The following STARD9 variants were observed in gnomAD, a reference collection of about 807,000 sequenced individuals.
STARD9 encodes the protein stAR-related lipid transfer protein 9.
In STARD9, 346 loss-of-function variants were observed where a neutral mutation model predicts 399.8. The ratio of observed to expected loss-of-function variants is 0.87; its 90% confidence interval spans 0.79 to 0.95. The LOEUF (loss-of-function observed/expected upper bound fraction) is 0.95, where lower values mean the gene tolerates loss of function less well. Ranked by LOEUF, STARD9 falls within the 40% of genes least tolerant of loss-of-function variation. The pLI is 0.00. For synonymous variants in STARD9, 2,203 were observed against 2,143.5 expected (o/e 1.03, Z -0.77); for missense variants, 5,832 against 5,667.5 (o/e 1.03, Z -0.93).
At chr15:42,653,968 T>A (rs2059815027) in intron 9 of STARD9, among the ~76,000 whole-genome samples, 1 of 152,170 alleles carries the variant, frequency 6.6e-6, no homozygotes, top group African/African-American at 2.4e-5. Context: ...GTAGAGTTAC[T>A]ATATTTTACA....
chr15:42,598,969 G>C (rs1406573707), intron 3 of STARD9, among the ~76,000 whole-genome samples: 1 of 152,036 alleles, frequency 6.6e-6, no homozygotes, highest in Non-Finnish European at 1.5e-5. Context: ...TGTCATCCAG[G>C]CTGGAGTGCA....
chr15:42,584,559 GTTTATGA>G (rs1411174490), intron 2 of STARD9, among the ~76,000 whole-genome samples: 1 of 152,198 alleles, frequency 6.6e-6, no homozygotes, highest in African/African-American at 2.4e-5. Flanking sequence ...TTCTTCTGTA[GTTTATGA>G]TGGCTAGTGG....
intron 26 of STARD9, among the ~76,000 whole-genome samples, chr15:42,706,090 G>A (rs958021402): frequency 2.0e-5 from 3 of 152,164 alleles, no homozygotes; most frequent in African/African-American, 7.2e-5. Flanking sequence ...GGATCACCTT[G>A]TCTAGTTCAA....
intron 1 of STARD9, among the ~76,000 whole-genome samples, chr15:42,576,938 G>C (rs1386418565): frequency 6.6e-6 from 1 of 152,184 alleles, no homozygotes; most frequent in Non-Finnish European, 1.5e-5. Flanking sequence ...GCTGCGTTTT[G>C]ATTGGTAAAT....
At chr15:42,702,790 A>G (rs1428444385) in intron 26 of STARD9, among the ~76,000 whole-genome samples, 2 of 152,130 alleles carry the variant, frequency 1.3e-5, no homozygotes, top group African/African-American at 2.4e-5. Flanking sequence ...TGTCTGAAGG[A>G]TAGTTTTACT....
In STARD9 at chr15:42,669,307, C is replaced by T; in HGVS notation, c.1467C>T (p.Leu489=). 1 of 1,535,308 alleles carries T rather than the reference C, an allele frequency of 6.5e-7. No individual in the cohort carries two copies. Among genetic ancestry groups the T allele is most frequent in the Non-Finnish European group, 8.7e-7 (1 of 1,145,382 alleles). The change falls in exon 16 of 33, where the codon CTC becomes CTT. Residue 489 remains leucine (L), a synonymous_variant. Coordinates refer to ENST00000290607, the MANE Select transcript of STARD9 (RefSeq NM_020759.3). ...PHLMALEDDV[L]STGVVLYHLK... is the part of the protein sequence containing the mutation. ...TGATGGCCTTGGAGGATGATGTGCT[C>T]AGCACAGGTGTTGTGCTCTATCATC...
At chr15:42,664,133 G>A (rs2060044166) in intron 13 of STARD9, among the ~76,000 whole-genome samples, 1 of 151,876 alleles carries the variant, frequency 6.6e-6, no homozygotes, top group South Asian at 2.1e-4. Context: ...ACTTATTTCA[G>A]ATACTTCTCT....
In STARD9 at chr15:42,665,769, T is replaced by C; in HGVS notation, c.1255-17T>C. 2 of 1,536,178 alleles carry C rather than the reference T, an allele frequency of 1.3e-6. No homozygotes were observed. The highest frequency in any genetic ancestry group is 1.7e-6 in the Non-Finnish European group (2 of 1,145,944). On this transcript the variant is annotated splice_polypyrimidine_tract_variant and intron_variant, in intron 14 of 32. Coordinates refer to ENST00000290607, the MANE Select transcript of STARD9 (RefSeq NM_020759.3). Reference sequence around the variant, plus strand: ...CAGACCAGGAAAATATCAAAGCACATCTCTATCTTTGTGCAGAGAAACTTC... The same window carrying C: ...CAGACCAGGAAAATATCAAAGCACACCTCTATCTTTGTGCAGAGAAACTTC...
intron 16 of STARD9, chr15:42,673,776 A>G (rs1385446845): frequency 1.9e-5 from 7 of 367,010 alleles, no homozygotes; most frequent in South Asian, 8.2e-5. Flanking sequence ...CAAATTTGCC[A>G]TAATCTGAGG....
intron 26 of STARD9, among the ~76,000 whole-genome samples, chr15:42,708,982 C>G (rs181880668): frequency 6.6e-6 from 1 of 151,938 alleles, no homozygotes; most frequent in Non-Finnish European, 1.5e-5. Flanking sequence ...ACCTTATTCT[C>G]GGTGCATTGT....
intron 26 of STARD9, among the ~76,000 whole-genome samples, chr15:42,700,998 C>T (rs2060952716): frequency 6.6e-6 from 1 of 152,150 alleles, no homozygotes; most frequent in South Asian, 2.1e-4. Context: ...TTCTCAGCAT[C>T]ATTTATCACA....
At chr15:42,601,966 C>G (rs546990102) in intron 3 of STARD9, among the ~76,000 whole-genome samples, 25 of 152,212 alleles carry the variant, frequency 1.6e-4, no homozygotes, top group Non-Finnish European at 2.9e-4. Flanking sequence ...CCTGCCTCAG[C>G]CTTCTGAGTA....
intron 3 of STARD9, among the ~76,000 whole-genome samples, chr15:42,624,764 G>A (rs2059164478): frequency 6.6e-6 from 1 of 152,024 alleles, no homozygotes; most frequent in Non-Finnish European, 1.5e-5. Flanking sequence ...GGCCAGACTG[G>A]TCTCGAACTC....
intron 26 of STARD9, among the ~76,000 whole-genome samples, chr15:42,712,097 A>T (rs78309554): frequency 0.019 from 4 of 206 alleles, no homozygotes; most frequent in Non-Finnish European, 0.047. Flanking sequence ...ATATATATAT[A>T]ATATATAATA....
rs140676957 is a variant in STARD9, at chr15:42,620,627, T to G, written c.235-14229T>G. ...ACTTGTTGCATTTAGTTATCTTAACTCTAGTCTAATTCAGTCTGGAATAGG... is the reference window on the plus strand; with the variant it reads ...ACTTGTTGCATTTAGTTATCTTAACGCTAGTCTAATTCAGTCTGGAATAGG... On this transcript the variant is annotated intron_variant, in intron 3 of 32. Coordinates refer to ENST00000290607, the MANE Select transcript of STARD9 (RefSeq NM_020759.3). Among the ~76,000 whole-genome samples the G allele has an allele frequency of 6.0e-4, 91 of 152,352 alleles. 1 individual carries two copies. In the East Asian group the frequency reaches 0.017, roughly 29 times the overall value.
Position 42,682,292 on chromosome 15 carries a change from C to T in STARD9, c.2254C>T (p.Arg752Trp), listed in dbSNP as rs775434618. The change falls in exon 22 of 33, where the codon CGG (arginine) becomes TGG (tryptophan). Residue 752 changes from arginine (R) to tryptophan (W), a missense_variant. Coordinates refer to ENST00000290607, the MANE Select transcript of STARD9 (RefSeq NM_020759.3). ...QKRVVHLQLL[R>W]RHTLRAAERN... ...AAGGGTGGTGCACCTGCAGCTCCTG[C>T]GGAGACACACTCTTCGGGCAGCAGA... The T allele has an allele frequency of 2.2e-5, 34 of 1,537,114 alleles. No homozygotes were observed. The highest frequency in any genetic ancestry group is 1.1e-4 in the African/African-American group (8 of 73,036).
chr15:42,694,600 C>G lies in STARD9; in HGVS notation c.12837C>G (p.Ser4279Arg). 1.3e-6 allele frequency: 2 copies of G among 1,537,174 alleles called. No individual in the cohort carries two copies. Among genetic ancestry groups the G allele is most frequent in the Non-Finnish European group, 1.7e-6 (2 of 1,146,896 alleles). The stretch of plus-strand genomic sequence containing the variant: ...TTGGGAACTTCTGCCGGACGCGAAG[C>G]CTTAGCCCTCAGAAACAACTGAGCC... Reference protein sequence around the residue: ...ERLGNFCRTRSLSPQKQLSLL... With the variant: ...ERLGNFCRTRRLSPQKQLSLL... The change falls in exon 24 of 33, where the codon AGC becomes AGG. Residue 4279 changes from serine (S) to arginine (R), a missense_variant. This residue lies in a region of STARD9 where 5,828 missense variants were observed against 5,651.1 expected (regional missense o/e 1.03). Transcript: ENST00000290607.
rs1300612872 is a variant in STARD9 at position 42,686,391 on chromosome 15, G to A, written c.4813G>A (p.Ala1605Thr). The part of the protein sequence containing the change: ...ESLSASRSTN[A>T]QVFATENAIP... ...ATTGTCTGCTTCTCGATCTACAAAT[G>A]CACAGGTCTTTGCAACAGAGAACGC... The change falls in exon 23 of 33, where the codon GCA becomes ACA. Residue 1605 changes from alanine to threonine, a missense_variant. Around this residue, in one of 2 missense-constraint regions of STARD9, gnomAD observed 5,828 missense variants for 5,651.1 expected, o/e 1.03. Transcript: ENST00000290607. 3.9e-6 allele frequency: 6 copies of A among 1,537,644 alleles called. No individual in the cohort carries two copies. Among genetic ancestry groups the A allele is most frequent in the Non-Finnish European group, 5.2e-6 (6 of 1,147,030 alleles).
chr15:42,695,732 G>A lies in STARD9; in HGVS notation c.13147-11G>A. On this transcript the variant is annotated splice_polypyrimidine_tract_variant and intron_variant, in intron 25 of 32. Transcript: ENST00000290607. The stretch of plus-strand genomic sequence containing the variant: ...ATCAGAAGCTGGTTAATGGTGATTT[G>A]TCCTTCCCAGGAAGAGGATAAACTA... 1 of 1,536,316 alleles carries A rather than the reference G, an allele frequency of 6.5e-7. No individual in the cohort carries two copies. The highest frequency in any genetic ancestry group is 2.4e-5 in the East Asian group (1 of 40,920).
Sources: allele counts gnomAD v4.1 joint callset (sites outside exome capture counted in the v4.1 genomes callset), GRCh38; gene constraint gnomAD v4.1.1; regional missense constraint gnomAD v4.1.1; transcripts MANE v1.5; gene names NCBI Gene and HGNC (gene_info 2026-07-23, HGNC 2026-07-21).